ANKFN1: variants seen among roughly 807,000 people sequenced by gnomAD.
The protein encoded by ANKFN1 is ankyrin repeat and fibronectin type-III domain-containing protein 1.
In ANKFN1, 74 loss-of-function variants were observed where a neutral mutation model predicts 108.7. The ratio of observed to expected loss-of-function variants is 0.68; its 90% confidence interval spans 0.56 to 0.83. The LOEUF (loss-of-function observed/expected upper bound fraction) is 0.83, where lower values mean the gene tolerates loss of function less well. ANKFN1 is among the 40% of genes least tolerant of loss of function. The probability of loss-of-function intolerance (pLI) is 0.00; values close to 1 mark genes in which losing one functional copy is unlikely to be tolerated. For missense variants in ANKFN1, 1,505 were observed against 1,382.3 expected, an observed-to-expected ratio of 1.09 and a Z score of -1.41; for synonymous variants, 547 against 516.2, an observed-to-expected ratio of 1.06 and a Z score of -0.81.
chr17:56,497,953 C>T (rs1350266434), intron 19 of ANKFN1, among the ~76,000 whole-genome samples: 1 of 152,016 alleles, frequency 6.6e-6, no homozygotes, highest in Non-Finnish European at 1.5e-5. Context: ...AGCTCATGGC[C>T]CATGTCTATC....
At chr17:56,355,706 G>C (rs969785422) in intron 6 of ANKFN1, among the ~76,000 whole-genome samples, 2 of 152,180 alleles carry the variant, frequency 1.3e-5, no homozygotes, top group African/African-American at 4.8e-5. Context: ...TAGTGGTGCA[G>C]GAGACAGACT....
chr17:56,272,144 C>T (rs561560240), intron 3 of ANKFN1, among the ~76,000 whole-genome samples: 83 of 152,204 alleles, frequency 5.5e-4, no homozygotes, highest in East Asian at 2.7e-3. Flanking sequence ...TTTTTTATTA[C>T]GGTATAATAC....
chr17:56,353,748 T>C, intron 5 of ANKFN1, 88 bp from the exon 6 acceptor site: 3 of 1,209,648 alleles, frequency 2.5e-6, no homozygotes, highest in Non-Finnish European at 3.6e-6. Context: ...ATGCAGTCCC[T>C]GAAACAGTCT....
chr17:56,299,935 CA>C (rs2044626029), intron 3 of ANKFN1, among the ~76,000 whole-genome samples: 1 of 152,186 alleles, frequency 6.6e-6, no homozygotes, highest in Non-Finnish European at 1.5e-5. Context: ...CAATGCTCAA[CA>C]AAAAGTTTAT....
chr17:56,255,585 A>G lies in ANKFN1; in HGVS notation c.53+27628A>G, dbSNP rs74747689. ...TACATTTAGAAGTGGTTATTTTTTA[A>G]TGGAAATTTTATCTACATGTTACCC... On this transcript the variant is annotated intron_variant, in intron 3 of 20. Coordinates refer to ENST00000682825, the MANE Select transcript of ANKFN1 (RefSeq NM_001370326.1). Among the ~76,000 whole-genome samples, 5 of 152,170 alleles carry G rather than the reference A, an allele frequency of 3.3e-5. 1 individual carries two copies. Among genetic ancestry groups the G allele is most frequent in the Non-Finnish European group, 7.4e-5 (5 of 68,024 alleles).
chr17:56,482,245 C>A, intron 17 of ANKFN1, 111 bp from the exon 18 acceptor site: 1 of 998,102 alleles, frequency 1.0e-6, no homozygotes, highest in Non-Finnish European at 1.4e-6. Flanking sequence ...ATAAAAATTC[C>A]AAGCTTGAAG....
At chr17:56,231,020 C>A (rs1300836288) in intron 3 of ANKFN1, among the ~76,000 whole-genome samples, 1 of 152,054 alleles carries the variant, frequency 6.6e-6, no homozygotes, top group Admixed American at 6.6e-5. Context: ...GGGGAAGAAA[C>A]AACTTTTAAT....
chr17:56,336,613 C>G (rs1338570194), intron 4 of ANKFN1, among the ~76,000 whole-genome samples: 2 of 151,492 alleles, frequency 1.3e-5, no homozygotes, highest in Non-Finnish European at 3.0e-5. Context: ...CTCTCTTTTC[C>G]TCTTTATTAG....
At chr17:56,243,975 A>C (rs977800472) in intron 3 of ANKFN1, among the ~76,000 whole-genome samples, 1 of 152,088 alleles carries the variant, frequency 6.6e-6, no homozygotes, top group Non-Finnish European at 1.5e-5. Flanking sequence ...AGTTAGCCCT[A>C]GTTTAGCCAC....
At chr17:56,053,467 A>G (rs60065132) in intron 4 of ANKFN1, among the ~76,000 whole-genome samples, 7,452 of 152,248 alleles carry the variant, frequency 0.049, 638 homozygotes, top group African/African-American at 0.17. Flanking sequence ...TCTCCATGAC[A>G]TTGCAAATGA....
At chr17:56,187,254 C>T (rs1456501659) in intron 1 of ANKFN1, among the ~76,000 whole-genome samples, 1 of 152,120 alleles carries the variant, frequency 6.6e-6, no homozygotes, top group Non-Finnish European at 1.5e-5. Flanking sequence ...AATCAAACAA[C>T]CCCATCAAAA....
chr17:56,123,795 T>TTGTGTGTGTGTGTGTGTGTGTG (rs58283151), intron 4 of ANKFN1, among the ~76,000 whole-genome samples: 1 of 144,710 alleles, frequency 6.9e-6, no homozygotes, highest in Non-Finnish European at 1.5e-5. Flanking sequence ...GCATGACTGA[T>TTGTGTGTGTGTGTGTGTGTGTG]TGTGTGTGTG....
At chr17:56,467,803 A>AAAAAGAAAG (rs1568026462) in intron 15 of ANKFN1, among the ~76,000 whole-genome samples, 319 of 26,272 alleles carry the variant, frequency 0.012, 8 homozygotes, top group African/African-American at 0.052. Flanking sequence ...AGAAAGAAAG[A>AAAAAGAAAG]AAGAAAGAAA....
intron 4 of ANKFN1, among the ~76,000 whole-genome samples, chr17:56,146,378 G>A (rs993291297): frequency 1.4e-4 from 22 of 152,274 alleles, no homozygotes; most frequent in Middle Eastern, 3.4e-3. Flanking sequence ...GCCCCAGTGG[G>A]GACTGTATGT....
rs1454531224 is a variant in ANKFN1 at position 56,482,437 on chromosome 17, G to A, written c.2173G>A (p.Asp725Asn). ...CTTTCTTCTCCTGCTCCCTGCCTCA[G>A]ACGACGTCTGTACAGCCCCAGGACA... ...VSFLLLLPAS[D>N]DVCTAPGQNN... The change falls in exon 18 of 21, where the codon GAC becomes AAC. Residue 725 changes from aspartate to asparagine, a missense_variant. Physicochemically the swap from Asp to Asn is conservative, Grantham distance 23. Transcript: ENST00000682825. 1.2e-6 allele frequency: 2 copies of A among 1,613,580 alleles called. No individual in the cohort carries two copies. Among genetic ancestry groups the A allele is most frequent in the Non-Finnish European group, 1.7e-6 (2 of 1,179,740 alleles).
chr17:56,469,419 A>T (rs1379367942), intron 15 of ANKFN1, among the ~76,000 whole-genome samples: 1 of 152,180 alleles, frequency 6.6e-6, no homozygotes, highest in East Asian at 1.9e-4. Context: ...TGGTACCCAA[A>T]GCAGGCTGGT....
At chr17:56,108,748 A>G (rs2143242368) in intron 4 of ANKFN1, among the ~76,000 whole-genome samples, 1 of 152,342 alleles carries the variant, frequency 6.6e-6, no homozygotes, top group Admixed American at 6.5e-5. Flanking sequence ...CACTAGGAAG[A>G]AGGTTTTTTA....
At chr17:56,509,825 C>T (rs2051686130) in intron 20 of ANKFN1, among the ~76,000 whole-genome samples, 1 of 152,170 alleles carries the variant, frequency 6.6e-6, no homozygotes, top group South Asian at 2.1e-4. Context: ...CAGACTTTAT[C>T]CATGAATTTT....
chr17:56,162,228 A>G (rs1459105024), intron 1 of ANKFN1, among the ~76,000 whole-genome samples: 1 of 152,218 alleles, frequency 6.6e-6, no homozygotes, highest in Non-Finnish European at 1.5e-5. Context: ...ACTTAATAAT[A>G]TCTATACATA....
Sources: allele counts gnomAD v4.1 joint callset (sites outside exome capture counted in the v4.1 genomes callset), GRCh38; gene constraint gnomAD v4.1.1; transcripts MANE v1.5; gene names NCBI Gene and HGNC (gene_info 2026-07-23, HGNC 2026-07-21).